XYLT1: variants seen among roughly 807,000 people sequenced by gnomAD.
XYLT1 encodes the protein xylosyltransferase 1, also known as beta-D-xylosyltransferase 1.
A neutral mutation model predicts 91.3 loss-of-function variants in XYLT1; 36 were observed. The observed-to-expected ratio is 0.39, with a 90% CI of 0.30 to 0.52. The LOEUF (loss-of-function observed/expected upper bound fraction) is 0.52, where lower values mean the gene tolerates loss of function less well. Among genes scored for constraint, XYLT1 ranks in the 20% least tolerant of loss-of-function variants. The pLI is 0.68. For missense variants in XYLT1, 1,242 were observed against 1,284.5 expected, an observed-to-expected ratio of 0.97 and a Z score of 0.51; for synonymous variants, 588 against 532.0, an observed-to-expected ratio of 1.11 and a Z score of -1.45.
intron 2 of XYLT1, among the ~76,000 whole-genome samples, chr16:17,335,477 G>A (rs1396232402): frequency 2.0e-5 from 3 of 151,936 alleles, no homozygotes; most frequent in Non-Finnish European, 2.9e-5. Context: ...GATCACCTGA[G>A]GTCAGGAGTT....
At chr16:17,139,116 G>C (rs764606703) in intron 7 of XYLT1, among the ~76,000 whole-genome samples, 1 of 152,206 alleles carries the variant, frequency 6.6e-6, no homozygotes, top group Non-Finnish European at 1.5e-5. Context: ...CTGAGAAAGA[G>C]GCCATGTTGG....
intron 1 of XYLT1, among the ~76,000 whole-genome samples, chr16:17,453,344 C>T (rs13334114): frequency 0.047 from 7,157 of 152,200 alleles, 194 homozygotes; most frequent in Middle Eastern, 0.088. Flanking sequence ...AGGAGAAGAA[C>T]GGACAGGACT....
intron 1 of XYLT1, among the ~76,000 whole-genome samples, chr16:17,364,141 T>A (rs2035417818): frequency 6.6e-6 from 1 of 152,134 alleles, no homozygotes; most frequent in South Asian, 2.1e-4. Flanking sequence ...TACAATTCAG[T>A]CCATAACAAC....
At chr16:17,414,780 A>G (rs2036159092) in intron 1 of XYLT1, among the ~76,000 whole-genome samples, 1 of 152,204 alleles carries the variant, frequency 6.6e-6, no homozygotes, top group Non-Finnish European at 1.5e-5. Flanking sequence ...TGTGTGTACC[A>G]GCGCAGCCCC....
chr16:17,182,603 TCG>T (rs1266273577), intron 5 of XYLT1, among the ~76,000 whole-genome samples: 1 of 150,146 alleles, frequency 6.7e-6, no homozygotes, highest in Admixed American at 6.7e-5. Flanking sequence ...CTCTTCTACA[TCG>T]TAGTGGAATG....
intron 1 of XYLT1, among the ~76,000 whole-genome samples, chr16:17,455,656 T>C (rs2036731120): frequency 6.6e-6 from 1 of 152,166 alleles, no homozygotes; most frequent in Non-Finnish European, 1.5e-5. Context: ...TCCTCTATTA[T>C]TGTGTTTACT....
At chr16:17,127,644 G>A in intron 10 of XYLT1, 22 bp downstream of exon 10, 2 of 1,604,550 alleles carry the variant, frequency 1.2e-6, no homozygotes, top group Non-Finnish European at 8.5e-7. Context: ...ACAATGAAAT[G>A]TGACAAGACC....
intron 1 of XYLT1, among the ~76,000 whole-genome samples, chr16:17,440,490 C>T (rs960968625): frequency 4.6e-5 from 7 of 152,200 alleles, no homozygotes; most frequent in South Asian, 2.1e-4. Context: ...AGCTCTTTCT[C>T]GTTCTTTGAT....
chr16:17,301,159 C>T (rs1002293376), intron 2 of XYLT1, among the ~76,000 whole-genome samples: 4 of 151,910 alleles, frequency 2.6e-5, no homozygotes, highest in Non-Finnish European at 4.4e-5. Context: ...ACTTATAATC[C>T]CAGCACTTCG....
chr16:17,255,250 C>A (rs183544627), intron 3 of XYLT1, among the ~76,000 whole-genome samples: 153 of 152,294 alleles, frequency 1.0e-3, no homozygotes, highest in African/African-American at 3.6e-3. Flanking sequence ...CTGCCTACCT[C>A]AGTCTCCCAA....
chr16:17,465,556 TGGGG>T (rs68156050), intron 1 of XYLT1, among the ~76,000 whole-genome samples: 4 of 101,232 alleles, frequency 4.0e-5, no homozygotes, highest in African/African-American at 1.3e-4. Context: ...TGTTTTTTTT[TGGGG>T]GGGGGGGGGG....
chr16:17,320,342 G>C (rs1448513967), intron 2 of XYLT1, among the ~76,000 whole-genome samples: 3 of 152,102 alleles, frequency 2.0e-5, no homozygotes, highest in Non-Finnish European at 4.4e-5. Flanking sequence ...ATCGCATCAA[G>C]GCCTTCATCT....
intron 3 of XYLT1, among the ~76,000 whole-genome samples, chr16:17,238,594 C>T (rs1264153084): frequency 6.6e-6 from 1 of 152,220 alleles, no homozygotes; most frequent in Admixed American, 6.5e-5. Context: ...TGTCGGACCC[C>T]AATAAGGGAA....
chr16:17,303,345 G>A (rs915196203), intron 2 of XYLT1, among the ~76,000 whole-genome samples: 1 of 152,178 alleles, frequency 6.6e-6, no homozygotes, highest in African/African-American at 2.4e-5. Context: ...CACGCTGGCA[G>A]AACTGCTTAG....
intron 1 of XYLT1, among the ~76,000 whole-genome samples, chr16:17,372,102 T>C (rs927127035): frequency 2.0e-5 from 3 of 152,234 alleles, no homozygotes; most frequent in Non-Finnish European, 4.4e-5. Flanking sequence ...GTTTTACTTC[T>C]GAGCTGGGAT....
intron 1 of XYLT1, among the ~76,000 whole-genome samples, chr16:17,372,621 T>C (rs1369839510): frequency 1.3e-5 from 2 of 152,216 alleles, no homozygotes; most frequent in Non-Finnish European, 2.9e-5. Context: ...AAGTGGGTAT[T>C]TTGCATTCAA....
At chr16:17,350,055 T>C (rs528273111) in intron 2 of XYLT1, among the ~76,000 whole-genome samples, 23 of 152,222 alleles carry the variant, frequency 1.5e-4, no homozygotes, top group African/African-American at 5.3e-4. Context: ...TTTGTATTTT[T>C]AGTAGAGACG....
chr16:17,292,281 G>C lies in XYLT1; in HGVS notation c.403-32783C>G, dbSNP rs529827256. Among the ~76,000 whole-genome samples, 223 of 152,230 alleles carry C rather than the reference G, an allele frequency of 1.5e-3. 2 individuals are homozygous for C. Among genetic ancestry groups the C allele is most frequent in the Non-Finnish European group, 2.3e-3 (155 of 68,022 alleles). ...GTCTCTGAGCTTATGAGACATGTGA[G>C]AGATATGAATTGTCTTTGAGCTTCC... On this transcript the variant is annotated intron_variant, in intron 2 of 11. Transcript: ENST00000261381.
intron 1 of XYLT1, among the ~76,000 whole-genome samples, chr16:17,438,874 T>C (rs1401817175): frequency 6.6e-6 from 1 of 152,002 alleles, no homozygotes; most frequent in African/African-American, 2.4e-5. Context: ...CCCTCAACAC[T>C]GGGAATTACA....
Sources: allele counts gnomAD v4.1 joint callset (sites outside exome capture counted in the v4.1 genomes callset), GRCh38; gene constraint gnomAD v4.1.1; transcripts MANE v1.5; gene names NCBI Gene and HGNC (gene_info 2026-07-23, HGNC 2026-07-21).